Variants in WDR1 observed in about 807,000 individuals in gnomAD.
WDR1 encodes WD repeat domain 1, also known as WD repeat-containing protein 1.
In WDR1, 21 loss-of-function variants were observed where a neutral mutation model predicts 71.9. The observed-to-expected ratio is 0.29, with a 90% CI of 0.21 to 0.42. The LOEUF (loss-of-function observed/expected upper bound fraction) is 0.42, where lower values mean the gene tolerates loss of function less well. WDR1 is among the 10% of genes least tolerant of loss of function. The pLI, the probability that WDR1 is intolerant of heterozygous loss-of-function variation, is 1.00. For synonymous variants in WDR1, 424 were observed against 347.4 expected (o/e 1.22, Z -2.45); for missense variants, 696 against 824.5 (o/e 0.84, Z 1.91).
intron 11 of WDR1, 136 bp downstream of exon 11, chr4:10,081,221 T>C (rs1163522837): frequency 1.5e-6 from 1 of 685,320 alleles, no homozygotes; most frequent in Non-Finnish European, 2.5e-6. Flanking sequence ...ATATGTGAGA[T>C]CCCTTAGTGC....
At chr4:10,089,307 C>T (rs3775931) in intron 5 of WDR1, among the ~76,000 whole-genome samples, 19,573 of 152,190 alleles carry the variant, frequency 0.13, 1,572 homozygotes, top group East Asian at 0.31. Flanking sequence ...TGGGGTTTCC[C>T]TTTGTTAGCC....
rs1560552440 is a variant in WDR1, at chr4:10,116,413, G to A, written c.17-179C>T. The stretch of plus-strand genomic sequence containing the variant: ...ACTTCCTGGTCCGCGCCCCGGGCCA[G>A]GCCCTTGGGGGCAGCGGGGCTCCTC... On this transcript the variant is annotated intron_variant, in intron 1 of 14. Coordinates refer to ENST00000499869, the MANE Select transcript of WDR1 (RefSeq NM_017491.5). 5.1e-6 allele frequency: 5 copies of A among 980,644 alleles called. No homozygotes were observed. The African/African-American group carries it at 5.1e-5, about 10-fold the overall frequency. 60.7% of individuals were successfully genotyped at this position (980,644 alleles called of 1,614,324 possible).
At chr4:10,078,180 G>C (rs1360136377) in intron 12 of WDR1, among the ~76,000 whole-genome samples, 2 of 152,206 alleles carry the variant, frequency 1.3e-5, no homozygotes, top group Non-Finnish European at 2.9e-5. Flanking sequence ...GGTGGAGGAA[G>C]CCACTCCATG....
At chr4:10,084,579 C>A (rs921547562) in intron 8 of WDR1, 49 bp from the exon 9 acceptor site, 1 of 1,545,094 alleles carries the variant, frequency 6.5e-7, no homozygotes. Context: ...CACTGCCCTG[C>A]CCTCTGCCAC....
At chr4:10,107,539 T>C (rs1713095397) in intron 2 of WDR1, among the ~76,000 whole-genome samples, 1 of 152,176 alleles carries the variant, frequency 6.6e-6, no homozygotes, top group African/African-American at 2.4e-5. Context: ...CAGCCACTCC[T>C]TGGGCTGACT....
rs1765010946 is a variant in WDR1, at chr4:10,081,450, A to G, written c.1197-6T>C. The G allele has an allele frequency of 1.2e-6, 2 of 1,613,460 alleles. No homozygotes were observed. The highest frequency in any genetic ancestry group is 1.7e-6 in the Non-Finnish European group (2 of 1,179,546). On this transcript the variant is annotated splice_polypyrimidine_tract_variant and splice_region_variant and intron_variant, in intron 10 of 14. Transcript: ENST00000499869. ...GTTTCACAACTCCTTGTCCGCTGTT[A>G]GAGAGAAAGGAAGCACATTACTTCG...
intron 2 of WDR1, among the ~76,000 whole-genome samples, chr4:10,104,386 G>A (rs770505425): frequency 2.0e-5 from 3 of 152,106 alleles, no homozygotes; most frequent in East Asian, 1.9e-4. Flanking sequence ...GTTCTCTTCC[G>A]TGTTTAGGAC....
intron 5 of WDR1, 79 bp downstream of exon 5, chr4:10,097,632 A>T (rs1351550301): frequency 1.0e-5 from 15 of 1,479,138 alleles, no homozygotes; most frequent in Non-Finnish European, 1.4e-5. Context: ...GGTCTCTGCC[A>T]TCAGCATCTA....
At chr4:10,087,284 C>A (rs1448080881) in intron 8 of WDR1, among the ~76,000 whole-genome samples, 1 of 152,266 alleles carries the variant, frequency 6.6e-6, no homozygotes, top group East Asian at 1.9e-4. Flanking sequence ...CTCCCTCCTG[C>A]CCCTGGACCT....
At chr4:10,102,478 C>T (rs1249082222) in intron 3 of WDR1, among the ~76,000 whole-genome samples, 1 of 152,238 alleles carries the variant, frequency 6.6e-6, no homozygotes, top group Non-Finnish European at 1.5e-5. Flanking sequence ...AAGCCCAGCC[C>T]CTCTTCTTCT....
Position 10,077,825 on chromosome 4 carries a change from G to T in WDR1, c.1497C>A (p.His499Gln). Residue 499 changes from histidine to glutamine, a missense_variant, in exon 13 of 15, where the codon CAC becomes CAA. His to Gln is a conservative substitution (Grantham distance 24). Transcript: ENST00000499869. Reference sequence around the variant, plus strand: ...CGCACACCGCGAGGAAGGCGCCGTCGTGGGAGTAGGCCACGTCGGTCACGG... The same window carrying T: ...CGCACACCGCGAGGAAGGCGCCGTCTTGGGAGTAGGCCACGTCGGTCACGG... ...KGPVTDVAYS[H>Q]DGAFLAVCDA... 1 of 1,608,520 alleles carries T rather than the reference G, an allele frequency of 6.2e-7. No individual in the cohort carries two copies. The highest frequency in any genetic ancestry group is 1.1e-5 in the South Asian group (1 of 90,028).
At chr4:10,105,295 A>T (rs745566337) in intron 2 of WDR1, among the ~76,000 whole-genome samples, 11 of 152,140 alleles carry the variant, frequency 7.2e-5, no homozygotes, top group Admixed American at 6.5e-5. Flanking sequence ...GCTTAACATG[A>T]CCTTTATCTC....
chr4:10,115,312 G>C (rs1016077267), intron 2 of WDR1, among the ~76,000 whole-genome samples: 1 of 152,222 alleles, frequency 6.6e-6, no homozygotes, highest in Non-Finnish European at 1.5e-5. Flanking sequence ...AATTACAGAG[G>C]AATAACATGA....
Position 10,099,007 on chromosome 4 carries a change from C to G in WDR1, c.362G>C (p.Gly121Ala), listed in dbSNP as rs1375782107. The stretch of plus-strand genomic sequence containing the variant: ...AGTGACTCACTTCTCCCTTCCTTCC[C>G]CGACCACGGCGATCCTCTTACTGTC... ...TEDSKRIAVVGEGREKFGAVF... is the reference protein window; with the variant it reads ...TEDSKRIAVVAEGREKFGAVF... Residue 121 changes from glycine to alanine, a missense_variant, in exon 4 of 15, where the codon GGG becomes GCG. By Grantham distance (60) the Gly-to-Ala change is moderately conservative. Transcript: ENST00000499869. 1 of 1,614,020 alleles carries G rather than the reference C, an allele frequency of 6.2e-7. No homozygotes were observed. Among genetic ancestry groups the G allele is most frequent in the Admixed American group, 1.7e-5 (1 of 60,028 alleles).
In WDR1 at chr4:10,075,063, C is replaced by G. The variant is rs2278120; in HGVS notation, c.*315G>C. 7.1e-3 allele frequency: 3,120 copies of G among 438,120 alleles called. 113 individuals carry two copies. In the East Asian group the frequency reaches 0.072, roughly 10 times the overall value. 27.1% of individuals were successfully genotyped at this position (438,120 alleles called of 1,614,324 possible). Reference sequence around the variant, plus strand: ...GAGAGCCGCGGCGGGGCCAGGGGCTCTGTGTGCTTTGGAGGCTACTGCCTC... The same window carrying G: ...GAGAGCCGCGGCGGGGCCAGGGGCTGTGTGTGCTTTGGAGGCTACTGCCTC... On this transcript the variant is annotated 3_prime_UTR_variant, in exon 15 of 15. Coordinates refer to ENST00000499869, the MANE Select transcript of WDR1 (RefSeq NM_017491.5).
At chr4:10,086,601 G>A (rs908276415) in intron 8 of WDR1, among the ~76,000 whole-genome samples, 16 of 152,212 alleles carry the variant, frequency 1.1e-4, no homozygotes, top group African/African-American at 3.4e-4. Context: ...GCACAGGCCC[G>A]GGGGCTGCTC....
At chr4:10,088,581 C>G (rs1441100299) in intron 6 of WDR1, 83 bp downstream of exon 6, 1 of 1,291,916 alleles carries the variant, frequency 7.7e-7, no homozygotes, top group Non-Finnish European at 1.1e-6. Context: ...TCAGGACTAG[C>G]ATTAGGCAGC....
chr4:10,100,849 C>T (rs932127923), intron 3 of WDR1, among the ~76,000 whole-genome samples: 1 of 152,240 alleles, frequency 6.6e-6, no homozygotes, highest in African/African-American at 2.4e-5. Flanking sequence ...GAAGGACATG[C>T]AGATACACTC....
At chr4:10,089,344 T>A (rs777949320) in intron 5 of WDR1, among the ~76,000 whole-genome samples, 1 of 152,230 alleles carries the variant, frequency 6.6e-6, no homozygotes, top group African/African-American at 2.4e-5. Context: ...CCTGACCTCA[T>A]GTTTCCCCGC....
Sources: allele counts gnomAD v4.1 joint callset (sites outside exome capture counted in the v4.1 genomes callset), GRCh38; gene constraint gnomAD v4.1.1; transcripts MANE v1.5; gene names NCBI Gene and HGNC (gene_info 2026-07-23, HGNC 2026-07-21).